Variants in KATNBL1 observed in about 807,000 individuals in gnomAD.
The protein encoded by KATNBL1 is KATNB1-like protein 1.
A neutral mutation model predicts 44.7 loss-of-function variants in KATNBL1; 28 were observed. That is an observed-to-expected ratio of 0.63 (90% CI 0.46 to 0.86). The LOEUF (loss-of-function observed/expected upper bound fraction) is 0.86, where lower values mean the gene tolerates loss of function less well. KATNBL1 is among the 40% of genes least tolerant of loss of function. The pLI is 0.00. For missense variants in KATNBL1, 272 were observed against 350.7 expected, an observed-to-expected ratio of 0.78 and a Z score of 1.79; for synonymous variants, 78 against 114.9, an observed-to-expected ratio of 0.68 and a Z score of 2.06.
chr15:34,200,360 C>G (rs1182191004), intron 1 of KATNBL1, among the ~76,000 whole-genome samples: 1 of 151,972 alleles, frequency 6.6e-6, no homozygotes, highest in Admixed American at 6.6e-5. Context: ...TCAAGAGATT[C>G]TCGTGCCTCA....
intron 1 of KATNBL1, among the ~76,000 whole-genome samples, chr15:34,180,428 TCATACGA>T (rs1889483938): frequency 6.6e-6 from 1 of 152,196 alleles, no homozygotes; most frequent in East Asian, 1.9e-4. Flanking sequence ...CTCTTTCTGT[TCATACGA>T]CACAGTTGTC....
intron 1 of KATNBL1, among the ~76,000 whole-genome samples, chr15:34,165,523 G>A (rs1182564992): frequency 4.6e-5 from 7 of 152,118 alleles, no homozygotes. Flanking sequence ...TTGATCAGGT[G>A]TGGTGGCTCA....
intron 1 of KATNBL1, among the ~76,000 whole-genome samples, chr15:34,183,622 A>G (rs1461933046): frequency 6.6e-6 from 1 of 152,222 alleles, no homozygotes; most frequent in East Asian, 1.9e-4. Context: ...ACAATAAAAT[A>G]CGATTATTTT....
intron 4 of KATNBL1, among the ~76,000 whole-genome samples, chr15:34,150,505 G>A (rs1025872817): frequency 1.3e-5 from 2 of 152,100 alleles, no homozygotes; most frequent in African/African-American, 4.8e-5. Context: ...GAGGTGGGAG[G>A]ATTGCTTGAA....
At chr15:34,158,472 T>C (rs775755662) in intron 2 of KATNBL1, among the ~76,000 whole-genome samples, 2 of 152,180 alleles carry the variant, frequency 1.3e-5, no homozygotes, top group Non-Finnish European at 2.9e-5. Context: ...ATCTGCAAGG[T>C]TGTTCCCCCA....
intron 2 of KATNBL1, among the ~76,000 whole-genome samples, chr15:34,157,325 G>C (rs1888667891): frequency 6.6e-6 from 1 of 152,158 alleles, no homozygotes; most frequent in Non-Finnish European, 1.5e-5. Flanking sequence ...ACCTGGGTGT[G>C]ATGAGTCCAT....
chr15:34,188,050 A>C (rs1889763819), intron 1 of KATNBL1, among the ~76,000 whole-genome samples: 2 of 145,444 alleles, frequency 1.4e-5, no homozygotes, highest in African/African-American at 5.0e-5. Context: ...GGGGCAAGAG[A>C]ATCGCTTGAA....
intron 1 of KATNBL1, among the ~76,000 whole-genome samples, chr15:34,181,717 TATATATGTCCATATATACAC>T (rs1468472989): frequency 9.5e-5 from 12 of 126,180 alleles, no homozygotes; most frequent in Non-Finnish European, 1.0e-4. Context: ...TATATGGACA[TATATATGTCCATATATACAC>T]ATATATATGT....
intron 2 of KATNBL1, among the ~76,000 whole-genome samples, chr15:34,158,131 T>A (rs1290644628): frequency 1.3e-5 from 2 of 152,170 alleles, no homozygotes; most frequent in Non-Finnish European, 2.9e-5. Context: ...TTATTAGTCA[T>A]CCTAAATACT....
chr15:34,178,253 T>C (rs1889396175), intron 1 of KATNBL1, among the ~76,000 whole-genome samples: 1 of 152,190 alleles, frequency 6.6e-6, no homozygotes, highest in African/African-American at 2.4e-5. Flanking sequence ...AAGATGACAG[T>C]ACTAATTTTT....
intron 1 of KATNBL1, among the ~76,000 whole-genome samples, chr15:34,188,817 A>G (rs530091248): frequency 1.3e-5 from 2 of 152,318 alleles, no homozygotes; most frequent in African/African-American, 4.8e-5. Context: ...CCTTTTCATG[A>G]ACTCCCCAAA....
At chr15:34,146,616 A>C in intron 8 of KATNBL1, 145 bp downstream of exon 8, 1 of 577,892 alleles carries the variant, frequency 1.7e-6, no homozygotes, top group Non-Finnish European at 3.1e-6. Flanking sequence ...ACAAATGAAC[A>C]GTCTCTTAAG....
intron 1 of KATNBL1, among the ~76,000 whole-genome samples, chr15:34,180,526 T>C (rs1041651996): frequency 3.9e-5 from 6 of 152,210 alleles, no homozygotes. Context: ...TGAAGAAATA[T>C]GCTTTCATGG....
At chr15:34,189,918 T>C (rs1198527353) in intron 1 of KATNBL1, among the ~76,000 whole-genome samples, 1 of 151,788 alleles carries the variant, frequency 6.6e-6, no homozygotes, top group Non-Finnish European at 1.5e-5. Flanking sequence ...AGCACTACTA[T>C]GTGTCAAGAG....
chr15:34,199,342 C>T lies in KATNBL1; in HGVS notation c.-15+10609G>A, dbSNP rs575133858. The stretch of plus-strand genomic sequence containing the variant: ...GTCCCAGCTACTCTGGAGGCTAAGG[C>T]AGGAGAATCTCTTGAACCCGGGAGG... On this transcript the variant is annotated intron_variant, in intron 1 of 9. Coordinates refer to ENST00000256544, the MANE Select transcript of KATNBL1 (RefSeq NM_024713.3). Among the ~76,000 whole-genome samples, 11 of 152,292 alleles carry T rather than the reference C, an allele frequency of 7.2e-5. No homozygotes were observed. In the South Asian group the frequency reaches 2.1e-3, roughly 29 times the overall value.
chr15:34,189,948 T>G (rs1452284236), intron 1 of KATNBL1, among the ~76,000 whole-genome samples: 3 of 22,184 alleles, frequency 1.4e-4, no homozygotes, highest in Non-Finnish European at 5.7e-4. Flanking sequence ...AAGTACATTC[T>G]TTTTTTTTTT....
intron 1 of KATNBL1, among the ~76,000 whole-genome samples, chr15:34,181,870 C>CAT (rs374057022): frequency 0.13 from 9,772 of 72,908 alleles, 2,497 homozygotes; most frequent in African/African-American, 0.27. Flanking sequence ...TATATATATC[C>CAT]ATATATATAT....
At position 34,186,366 on chromosome 15, in the gene KATNBL1, G is replaced by A. The variant is rs578053251; in HGVS notation, c.-14-22676C>T. 2.0e-5 allele frequency among the ~76,000 whole-genome samples: 3 copies of A among 152,348 alleles called. No homozygotes were observed. The South Asian group carries it at 6.2e-4, about 32-fold the overall frequency. ...GGTCTCCTGCTTTACTGAGCAAGCA[G>A]GAGCCCTGCCCAGGTGGGCTACAGC... On this transcript the variant is annotated intron_variant, in intron 1 of 9. Coordinates refer to ENST00000256544, the MANE Select transcript of KATNBL1 (RefSeq NM_024713.3).
chr15:34,209,746 T>A (rs1890384448), intron 1 of KATNBL1: 1 of 151,110 alleles, frequency 6.6e-6, no homozygotes, highest in South Asian at 2.1e-4. Context: ...TGCCCGACTC[T>A]CCCCGCAGGG....
Sources: gnomAD v4.1 joint callset for allele counts (sites outside exome capture counted in the v4.1 genomes callset) on GRCh38, gnomAD v4.1.1 for gene constraint, MANE v1.5 for transcripts, NCBI Gene and HGNC (gene_info 2026-07-23, HGNC 2026-07-21) for gene names.